The following LARGE1 variants were observed in gnomAD, a reference collection of about 807,000 sequenced individuals.
LARGE1 encodes xylosyl- and glucuronyltransferase LARGE1.
In LARGE1, 43 loss-of-function variants were observed where a neutral mutation model predicts 87.6. That is an observed-to-expected ratio of 0.49 (90% CI 0.38 to 0.63). The LOEUF (loss-of-function observed/expected upper bound fraction) is 0.63. Among genes scored for constraint, LARGE1 ranks in the 30% least tolerant of loss-of-function variants. The pLI is 0.00. For synonymous variants in LARGE1, 434 were observed against 394.6 expected (o/e 1.10, Z -1.18); for missense variants, 802 against 1,000.2 (o/e 0.80, Z 2.67).
intron 5 of LARGE1, among the ~76,000 whole-genome samples, chr22:33,585,846 T>C (rs1240307103): frequency 1.3e-5 from 2 of 151,952 alleles, no homozygotes; most frequent in Non-Finnish European, 2.9e-5. Context: ...GGTTCCTTTA[T>C]GCTCACCACG....
intron 1 of LARGE1, among the ~76,000 whole-genome samples, chr22:33,918,922 CCTCT>C (rs57460313): frequency 2.0e-5 from 3 of 149,054 alleles, no homozygotes; most frequent in Non-Finnish European, 3.0e-5. Context: ...CCCACTCCCT[CCTCT>C]CTCTCTCTCT....
intron 11 of LARGE1, among the ~76,000 whole-genome samples, chr22:33,253,908 G>GTTT (rs536060752): frequency 1.8e-4 from 26 of 143,216 alleles, no homozygotes; most frequent in East Asian, 4.0e-4. Flanking sequence ...TTCCTTCTTG[G>GTTT]TTTTTTTTTT....
At chr22:33,314,201 G>C (rs992793654) in intron 11 of LARGE1, among the ~76,000 whole-genome samples, 1 of 152,100 alleles carries the variant, frequency 6.6e-6, no homozygotes, top group Non-Finnish European at 1.5e-5. Context: ...GTCCCATGCT[G>C]TCTTTACCTG....
the LARGE1 span, among the ~76,000 whole-genome samples, chr22:33,079,512 C>A: frequency 1.1e-4 from 16 of 152,206 alleles, no homozygotes; most frequent in East Asian, 3.9e-4. Flanking sequence ...CAGGCGTGAG[C>A]CACCACACCT....
intron 5 of LARGE1, among the ~76,000 whole-genome samples, chr22:33,597,538 C>G (rs2079012002): frequency 6.6e-6 from 1 of 152,146 alleles, no homozygotes; most frequent in African/African-American, 2.4e-5. Context: ...CCATAGAGAC[C>G]AGCACAAAGG....
chr22:33,157,560 T>C (rs149029416), downstream of LARGE1, among the ~76,000 whole-genome samples: 1 of 152,208 alleles, frequency 6.6e-6, no homozygotes. Flanking sequence ...AGAGAACCAC[T>C]GCTCATTGTC....
In LARGE1 at chr22:33,650,601, G is replaced by A; in HGVS notation, c.174C>T (p.Ser58=). The A allele has an allele frequency of 6.2e-7, 1 of 1,604,870 alleles. No homozygotes were observed. The change falls in exon 3 of 15, where the codon AGC becomes AGT. Residue 58 remains serine (S), a synonymous_variant. Transcript: ENST00000397394. The stretch of plus-strand genomic sequence containing the variant: ...CCTCCAGGCTCTCGCGCTCCCGCTG[G>A]CTGGAGGCCGTGTACCTGGGGCTGT... The part of the protein sequence containing the change: ...QAHSPRYTAS[S]QRERESLEVR...
chr22:33,367,790 A>G (rs1347491764), intron 9 of LARGE1, among the ~76,000 whole-genome samples: 1 of 151,886 alleles, frequency 6.6e-6, no homozygotes, highest in Non-Finnish European at 1.5e-5. Context: ...TTAATTTTCA[A>G]CTTTTCTTCT....
At chr22:33,563,818 G>A (rs1416543011) in intron 6 of LARGE1, among the ~76,000 whole-genome samples, 1 of 152,006 alleles carries the variant, frequency 6.6e-6, no homozygotes, top group African/African-American at 2.4e-5. Context: ...GAGTCCCGGG[G>A]ATCAAAATGT....
chr22:33,682,162 T>C (rs2081794158), intron 2 of LARGE1, among the ~76,000 whole-genome samples: 1 of 152,238 alleles, frequency 6.6e-6, no homozygotes, highest in Non-Finnish European at 1.5e-5. Flanking sequence ...TTGTTAGTTT[T>C]ATAGTTTTCT....
intron 1 of LARGE1, among the ~76,000 whole-genome samples, chr22:33,916,716 C>T (rs1460382657): frequency 6.6e-6 from 1 of 152,142 alleles, no homozygotes; most frequent in East Asian, 1.9e-4. Context: ...AAAAAGACAC[C>T]TTCATCTTGT....
chr22:33,148,817 T>C, the LARGE1 span, among the ~76,000 whole-genome samples: 19 of 152,162 alleles, frequency 1.2e-4, no homozygotes, highest in Non-Finnish European at 2.8e-4. Context: ...ATTTCCCTAC[T>C]GGCTAAAAAT....
chr22:33,825,949 A>G (rs2062770086), intron 1 of LARGE1, among the ~76,000 whole-genome samples: 1 of 152,092 alleles, frequency 6.6e-6, no homozygotes, highest in Non-Finnish European at 1.5e-5. Context: ...GTAAGAGCAC[A>G]GAGCTGGGGA....
chr22:33,626,423 C>A (rs1182171017), intron 3 of LARGE1, 97 bp from the exon 4 acceptor site: 1 of 907,716 alleles, frequency 1.1e-6, no homozygotes. Flanking sequence ...GCCCTGATTT[C>A]TTGTTGGCAT....
intron 2 of LARGE1, among the ~76,000 whole-genome samples, chr22:33,748,072 A>C (rs1395577917): frequency 6.8e-6 from 1 of 147,046 alleles, no homozygotes; most frequent in Admixed American, 6.8e-5. Flanking sequence ...CCATTATCTA[A>C]GGCTCCACCC....
intron 4 of LARGE1, among the ~76,000 whole-genome samples, chr22:33,622,955 A>T (rs1306938604): frequency 6.6e-6 from 1 of 152,234 alleles, no homozygotes; most frequent in Non-Finnish European, 1.5e-5. Flanking sequence ...GTAAAAGTTT[A>T]CACCCAACAG....
At chr22:33,699,572 C>G (rs557612647) in intron 2 of LARGE1, among the ~76,000 whole-genome samples, 1 of 152,308 alleles carries the variant, frequency 6.6e-6, no homozygotes, top group South Asian at 2.1e-4. Flanking sequence ...GGAGATGACA[C>G]TGAGTTGAAA....
chr22:33,272,277 AGAAATTAGT>A (rs1468502604), downstream of LARGE1, among the ~76,000 whole-genome samples: 1 of 152,190 alleles, frequency 6.6e-6, no homozygotes, highest in African/African-American at 2.4e-5. Context: ...GGGAAGGAGG[AGAAATTAGT>A]GAGTGCCTCT....
At chr22:33,124,186 C>T in the LARGE1 span, among the ~76,000 whole-genome samples, 1 of 151,956 alleles carries the variant, frequency 6.6e-6, no homozygotes, top group Non-Finnish European at 1.5e-5. Context: ...ACTCGAGCGG[C>T]TGAGGCAGGA....
Sources: allele counts gnomAD v4.1 joint callset (sites outside exome capture counted in the v4.1 genomes callset), GRCh38; gene constraint gnomAD v4.1.1; transcripts MANE v1.5; gene names NCBI Gene and HGNC (gene_info 2026-07-23, HGNC 2026-07-21).